The following POLR3A variants were observed in gnomAD, a reference collection of about 807,000 sequenced individuals.
The protein encoded by POLR3A is DNA-directed RNA polymerase III subunit RPC1.
POLR3A carries 112 observed loss-of-function variants against 152.8 expected under a neutral mutation model. The observed-to-expected ratio is 0.73, with a 90% confidence interval of 0.63 to 0.86. The LOEUF (loss-of-function observed/expected upper bound fraction) is 0.86, where lower values mean the gene tolerates loss of function less well. POLR3A is among the 40% of genes least tolerant of loss of function. The pLI, the probability that POLR3A is intolerant of heterozygous loss-of-function variation, is 0.00. For missense variants in POLR3A, 1,385 were observed against 1,743.1 expected (o/e 0.79, Z 3.66); for synonymous variants, 615 against 652.1 (o/e 0.94, Z 0.87).
At chr10:78,000,152 A>G in intron 18 of POLR3A, 34 bp from the exon 19 acceptor site, 3 of 1,609,752 alleles carry the variant, frequency 1.9e-6, no homozygotes, top group Non-Finnish European at 2.5e-6. Context: ...AAATCAAACA[A>G]AAAAAGTTCA....
Position 77,986,446 on chromosome 10 carries a change from G to A in POLR3A, c.2902-287C>T, listed in dbSNP as rs114488025. Among the ~76,000 whole-genome samples, 289 of 152,250 alleles carry A rather than the reference G, an allele frequency of 1.9e-3. 1 individual carries two copies. The highest frequency in any genetic ancestry group is 6.4e-3 in the African/African-American group (267 of 41,550). On this transcript the variant is annotated intron_variant, in intron 21 of 30. Transcript: ENST00000372371. ...ACTATCTACAGAGCCCACAAAGTGC[G>A]TGGGAGCCTTTGTTCTTGCTCTCCC...
intron 1 of POLR3A, among the ~76,000 whole-genome samples, chr10:78,028,964 T>C: frequency 6.6e-6 from 1 of 152,154 alleles, no homozygotes; most frequent in Non-Finnish European, 1.5e-5. Context: ...AAGCAACTAC[T>C]GCCTCCGTGT....
chr10:78,017,487 A>C, intron 10 of POLR3A, 88 bp downstream of exon 10: 1 of 1,347,296 alleles, frequency 7.4e-7, no homozygotes, highest in Non-Finnish European at 1.0e-6. Context: ...ATAACAGGCA[A>C]TTTTAATTTT....
chr10:78,026,218 C>T lies in POLR3A; in HGVS notation c.56G>A (p.Cys19Tyr), dbSNP rs758707898. 5.6e-6 allele frequency: 9 copies of T among 1,614,252 alleles called. No individual in the cohort carries two copies. The highest frequency in any genetic ancestry group is 7.6e-6 in the Non-Finnish European group (9 of 1,180,044). ...CTCCTCAGGTGACTTCATTCCAAAA[C>T]AGATGTGGCTTCTGGAATGGGAAGA... ...TDVAKKISHICFGMKSPEEMR... is the reference protein window; with the variant it reads ...TDVAKKISHIYFGMKSPEEMR... The change falls in exon 2 of 31, where the codon TGT becomes TAT. Residue 19 changes from cysteine to tyrosine, a missense_variant. Around this residue, in one of 7 missense-constraint regions of POLR3A, gnomAD observed 493 missense variants for 647.5 expected, o/e 0.76. Coordinates refer to ENST00000372371, the MANE Select transcript of POLR3A (RefSeq NM_007055.4).
chr10:77,987,259 G>T (rs1847206710), intron 21 of POLR3A, among the ~76,000 whole-genome samples: 1 of 152,326 alleles, frequency 6.6e-6, no homozygotes, highest in South Asian at 2.1e-4. Flanking sequence ...GGCTGCTCTG[G>T]TGTGGCCTAG....
intron 16 of POLR3A, 59 bp downstream of exon 16, chr10:78,004,657 C>T: frequency 1.5e-6 from 2 of 1,354,852 alleles, no homozygotes; most frequent in Non-Finnish European, 2.1e-6. Flanking sequence ...CCCCAGAGAG[C>T]ACCACCGTAG....
At chr10:78,025,972 C>T (rs967595667) in intron 2 of POLR3A, 122 bp downstream of exon 2, 11 of 1,312,118 alleles carry the variant, frequency 8.4e-6, no homozygotes, top group African/African-American at 4.4e-5. Flanking sequence ...TTGACCTAGT[C>T]TAATATGTGC....
In POLR3A at chr10:78,000,243, T is replaced by G. The variant is rs2241551; in HGVS notation, c.2479-125A>C. On this transcript the variant is annotated intron_variant, in intron 18 of 30. Coordinates refer to ENST00000372371, the MANE Select transcript of POLR3A (RefSeq NM_007055.4). ...AAATACCTGGCCAGTATATTCTCAC[T>G]AAATGGCAGGCTTTCTTTGCCCTTT... 0.091 allele frequency: 72,989 copies of G among 805,438 alleles called. 10,599 individuals are homozygous for G. The highest frequency in any genetic ancestry group is 0.52 in the African/African-American group (30,082 of 58,172). 49.9% of individuals were successfully genotyped at this position (805,438 alleles called of 1,614,324 possible).
At position 77,982,881 on chromosome 10, in the gene POLR3A, G is replaced by A. The variant is rs41274602; in HGVS notation, c.3430-64C>T. The stretch of plus-strand genomic sequence containing the variant: ...GTTGTTCTTCGTTTATTTCATTGTT[G>A]CCCCTCTAAGAAGTCCTTTTAGTCA... On this transcript the variant is annotated intron_variant, in intron 26 of 30. Coordinates refer to ENST00000372371, the MANE Select transcript of POLR3A (RefSeq NM_007055.4). 5,641 of 1,512,138 alleles carry A rather than the reference G, an allele frequency of 3.7e-3. 20 individuals carry two copies. Among genetic ancestry groups the A allele is most frequent in the Non-Finnish European group, 4.3e-3 (4,712 of 1,088,396 alleles). The allele number at this position is 1,512,138 out of a possible 1,614,324, so 93.7% of individuals were successfully genotyped here.
chr10:77,982,658 G>A lies in POLR3A; in HGVS notation c.3589C>T (p.Pro1197Ser), dbSNP rs1326343340. Residue 1197 changes from proline to serine, a missense_variant, in exon 27 of 31, where the codon CCC (proline) becomes TCC (serine). By Grantham distance (74) the Pro-to-Ser change is moderately conservative. Around this residue, in one of 7 missense-constraint regions of POLR3A, gnomAD observed 332 missense variants for 400.1 expected, o/e 0.83. Coordinates refer to ENST00000372371, the MANE Select transcript of POLR3A (RefSeq NM_007055.4). ...YVLQFLKEDL[P>S]KVVVQGIPEV... ...AGAAGCGACTTCTGTTTCACCTTGG[G>A]GAGATCCTCTTTCAGGAACTGCAGC... The A allele has an allele frequency of 6.2e-7, 1 of 1,612,912 alleles. No homozygotes were observed. The highest frequency in any genetic ancestry group is 1.1e-5 in the South Asian group (1 of 91,006).
At position 77,981,521 on chromosome 10, in the gene POLR3A, C is replaced by T. The variant is rs367653979; in HGVS notation, c.3798G>A (p.Thr1266=). The change falls in exon 29 of 31, where the codon ACG becomes ACA. Residue 1266 remains threonine, a synonymous_variant. Coordinates refer to ENST00000372371, the MANE Select transcript of POLR3A (RefSeq NM_007055.4). The part of the protein sequence containing the change: ...KTLGIEAART[T]IINEIQYTMV... Reference sequence around the variant, plus strand: ...TGGTGTACTGGATTTCATTGATGATCGTTGTCCGGGCGGCCTCGATGCCCA... The same window carrying T: ...TGGTGTACTGGATTTCATTGATGATTGTTGTCCGGGCGGCCTCGATGCCCA... 1.1e-5 allele frequency: 17 copies of T among 1,613,876 alleles called. No individual in the cohort carries two copies. The highest frequency in any genetic ancestry group is 1.0e-4 in the Admixed American group (6 of 60,002).
In POLR3A at chr10:77,982,262, C is replaced by G. The variant is rs191093143; in HGVS notation, c.3651G>C (p.Gln1217His). ...VSRAVIHIDEQSGKEKYKLLV... is the reference protein window; with the variant it reads ...VSRAVIHIDEHSGKEKYKLLV... ...GAAGCTTGTACTTCTCCTTTCCACT[C>G]TGCTCGTCAATGTGGATGACAGCTC... Residue 1217 changes from glutamine to histidine, a missense_variant, in exon 28 of 31, where the codon CAG becomes CAC. Coordinates refer to ENST00000372371, the MANE Select transcript of POLR3A (RefSeq NM_007055.4). 1.2e-6 allele frequency: 2 copies of G among 1,613,792 alleles called. No homozygotes were observed. The highest frequency in any genetic ancestry group is 4.5e-5 in the East Asian group (2 of 44,866).
intron 23 of POLR3A, 142 bp downstream of exon 23, chr10:77,985,761 C>T: frequency 1.4e-6 from 1 of 726,162 alleles, no homozygotes; most frequent in Non-Finnish European, 2.5e-6. Flanking sequence ...CATCAGACCC[C>T]CTACAGAAAA....
intron 10 of POLR3A, among the ~76,000 whole-genome samples, chr10:78,015,350 C>T (rs79015546): frequency 0.027 from 4,175 of 152,130 alleles, 200 homozygotes; most frequent in African/African-American, 0.095. Context: ...TTTTTTGAGA[C>T]GGAGCTTCAT....
intron 9 of POLR3A, among the ~76,000 whole-genome samples, chr10:78,018,831 C>G (rs1847550375): frequency 6.6e-6 from 1 of 152,104 alleles, no homozygotes; most frequent in Admixed American, 6.5e-5. Flanking sequence ...AGTGATTTGC[C>G]CACCTTGGCC....
At chr10:78,026,735 GATC>G (rs1847638608) in intron 1 of POLR3A, among the ~76,000 whole-genome samples, 1 of 152,154 alleles carries the variant, frequency 6.6e-6, no homozygotes, top group African/African-American at 2.4e-5. Flanking sequence ...TCTCCTGAGT[GATC>G]ATGCCACTCA....
At chr10:78,026,841 C>A (rs531892338) in intron 1 of POLR3A, among the ~76,000 whole-genome samples, 2 of 152,202 alleles carry the variant, frequency 1.3e-5, no homozygotes, top group Non-Finnish European at 2.9e-5. Flanking sequence ...TGGACAGTTC[C>A]ACCTAGATAT....
At chr10:77,997,963 C>T (rs1847318625) in intron 19 of POLR3A, among the ~76,000 whole-genome samples, 1 of 152,134 alleles carries the variant, frequency 6.6e-6, no homozygotes, top group South Asian at 2.1e-4. Context: ...AGATATAGAC[C>T]AGTGGAACAG....
chr10:77,994,834 A>C (rs1231084554), intron 19 of POLR3A, among the ~76,000 whole-genome samples: 1 of 152,186 alleles, frequency 6.6e-6, no homozygotes, highest in East Asian at 1.9e-4. Context: ...CTCCTCGAGA[A>C]GAGCAACTCC....
Sources: allele counts gnomAD v4.1 joint callset (sites outside exome capture counted in the v4.1 genomes callset), GRCh38; gene constraint gnomAD v4.1.1; regional missense constraint gnomAD v4.1.1; transcripts MANE v1.5; gene names NCBI Gene and HGNC (gene_info 2026-07-23, HGNC 2026-07-21).